Variants in ACBD6 observed in about 807,000 individuals in gnomAD.
ACBD6 encodes acyl-CoA-binding domain-containing protein 6.
A neutral mutation model predicts 37.2 loss-of-function variants in ACBD6; 28 were observed. The ratio of observed to expected loss-of-function variants is 0.75; its 90% confidence interval spans 0.56 to 1.03. The LOEUF is 1.03. Ranked by LOEUF, ACBD6 falls within the 50% of genes least tolerant of loss-of-function variation. The probability of loss-of-function intolerance (pLI) is 0.00; values close to 1 mark genes in which losing one functional copy is unlikely to be tolerated. For synonymous variants in ACBD6, 113 were observed against 126.8 expected, an observed-to-expected ratio of 0.89 and a Z score of 0.73; for missense variants, 340 against 337.4, an observed-to-expected ratio of 1.01 and a Z score of -0.06.
At chr1:180,395,227 G>A (rs1654214658) in intron 6 of ACBD6, among the ~76,000 whole-genome samples, 1 of 152,130 alleles carries the variant, frequency 6.6e-6, no homozygotes, top group Non-Finnish European at 1.5e-5. Context: ...GCGGGGAAGG[G>A]TGGACTGTTG....
intron 6 of ACBD6, among the ~76,000 whole-genome samples, chr1:180,389,401 T>C (rs1205741719): frequency 2.6e-5 from 4 of 152,228 alleles, no homozygotes; most frequent in African/African-American, 7.2e-5. Flanking sequence ...CAGTCTATCA[T>C]TGTTGGACAT....
chr1:180,330,467 C>CA (rs962647853), intron 6 of ACBD6, among the ~76,000 whole-genome samples: 8 of 151,450 alleles, frequency 5.3e-5, no homozygotes, highest in South Asian at 2.1e-4. Context: ...ACCAAAATCA[C>CA]AAAAAAAACC....
chr1:180,324,553 C>T (rs1186917888), intron 6 of ACBD6, among the ~76,000 whole-genome samples: 1 of 151,572 alleles, frequency 6.6e-6, no homozygotes, highest in Non-Finnish European at 1.5e-5. Context: ...GTCTTATTGT[C>T]CCATGTTTTG....
intron 6 of ACBD6, among the ~76,000 whole-genome samples, chr1:180,342,868 G>T (rs539301653): frequency 6.6e-6 from 1 of 152,084 alleles, no homozygotes; most frequent in South Asian, 2.1e-4. Flanking sequence ...TACTCATCTG[G>T]TTTACAACTT....
intron 3 of ACBD6, among the ~76,000 whole-genome samples, chr1:180,455,922 T>A (rs1649897561): frequency 6.6e-6 from 1 of 152,210 alleles, no homozygotes; most frequent in Non-Finnish European, 1.5e-5. Context: ...TTATCATCTT[T>A]TATTATTGTC....
intron 3 of ACBD6, among the ~76,000 whole-genome samples, chr1:180,444,550 T>A (rs1321539290): frequency 6.6e-6 from 1 of 152,196 alleles, no homozygotes; most frequent in Non-Finnish European, 1.5e-5. Context: ...ATGCCAAAGA[T>A]GCGTTAGTTT....
chr1:180,294,790 G>A lies in ACBD6; in HGVS notation c.695-6273C>T, dbSNP rs114521008. Among the ~76,000 whole-genome samples the A allele has an allele frequency of 4.5e-3, 679 of 152,038 alleles. 5 individuals carry two copies. The highest frequency in any genetic ancestry group is 0.016 in the African/African-American group (653 of 41,488). On this transcript the variant is annotated intron_variant, in intron 7 of 7. Transcript: ENST00000367595. ...ACTCACTGCATCCTGGAACTCCTGGGCATGAGTGATCCTCCTGCCTCAGCC... is the reference window on the plus strand; with the variant it reads ...ACTCACTGCATCCTGGAACTCCTGGACATGAGTGATCCTCCTGCCTCAGCC...
chr1:180,476,779 T>C (rs1204617677), intron 3 of ACBD6, among the ~76,000 whole-genome samples: 2 of 151,968 alleles, frequency 1.3e-5, no homozygotes, highest in African/African-American at 2.4e-5. Context: ...TGAGCTGAGA[T>C]CATGCCATTG....
At chr1:180,285,123 C>T (rs571858358), downstream of ACBD6, among the ~76,000 whole-genome samples, 2 of 152,082 alleles carry the variant, frequency 1.3e-5, no homozygotes, top group East Asian at 1.9e-4. Context: ...ATGACAAGAG[C>T]GAGACCCTGA....
chr1:180,434,843 G>T (rs1270160308), intron 3 of ACBD6: 2 of 742,786 alleles, frequency 2.7e-6, no homozygotes, highest in Non-Finnish European at 5.0e-6. Context: ...AAATCTGCCA[G>T]GGATGTCTTC....
intron 6 of ACBD6, among the ~76,000 whole-genome samples, chr1:180,392,026 A>G (rs2101943082): frequency 6.6e-6 from 1 of 152,298 alleles, no homozygotes; most frequent in East Asian, 1.9e-4. Flanking sequence ...TGTTATGTTG[A>G]ACATAATAAG....
intron 6 of ACBD6, among the ~76,000 whole-genome samples, chr1:180,361,821 G>A (rs1652864310): frequency 6.6e-6 from 1 of 152,098 alleles, no homozygotes; most frequent in Non-Finnish European, 1.5e-5. Flanking sequence ...ATAATAAAGA[G>A]GTGGTTTACA....
At chr1:180,409,424 GTGTTTTT>G (rs1378795186) in intron 5 of ACBD6, among the ~76,000 whole-genome samples, 2 of 152,164 alleles carry the variant, frequency 1.3e-5, no homozygotes, top group African/African-American at 2.4e-5. Context: ...TGCAAATACT[GTGTTTTT>G]TGTAAATTGA....
chr1:180,355,953 T>C (rs1238767054), intron 6 of ACBD6, among the ~76,000 whole-genome samples: 1 of 151,378 alleles, frequency 6.6e-6, no homozygotes, highest in Non-Finnish European at 1.5e-5. Context: ...CTACAACCTC[T>C]GCCTCCCGGG....
chr1:180,483,624 C>T (rs768061729), intron 3 of ACBD6, among the ~76,000 whole-genome samples: 4 of 151,938 alleles, frequency 2.6e-5, no homozygotes, highest in Non-Finnish European at 2.9e-5. Context: ...GAACAAAATG[C>T]CTCATTTTAT....
chr1:180,436,375 A>C (rs188052178), intron 3 of ACBD6, among the ~76,000 whole-genome samples: 234 of 152,276 alleles, frequency 1.5e-3, no homozygotes, highest in African/African-American at 5.3e-3. Flanking sequence ...GATTTTTTTT[A>C]GACATATCTT....
intron 6 of ACBD6, among the ~76,000 whole-genome samples, chr1:180,363,893 T>C (rs796421655): frequency 4.6e-5 from 7 of 152,276 alleles, no homozygotes; most frequent in South Asian, 2.1e-4. Context: ...TTGAACCACA[T>C]AGACAGCTCA....
At position 180,399,292 on chromosome 1, in the gene ACBD6, G is replaced by A. The variant is rs541792029; in HGVS notation, c.574-1687C>T. 7.2e-5 allele frequency among the ~76,000 whole-genome samples: 11 copies of A among 152,104 alleles called. No homozygotes were observed. The South Asian group carries it at 1.7e-3, about 23-fold the overall frequency. ...TTTATTTATTTATTTATTTTGAGAC[G>A]GAGTTTTGCTCTTTTGCTGAGGCTG... On this transcript the variant is annotated intron_variant, in intron 5 of 7. Transcript: ENST00000367595.
intron 3 of ACBD6, among the ~76,000 whole-genome samples, chr1:180,459,073 A>G (rs1031594654): frequency 2.6e-5 from 4 of 152,200 alleles, no homozygotes; most frequent in African/African-American, 9.6e-5. Flanking sequence ...AAAACACTAA[A>G]AATAATTCAT....
Sources: allele counts gnomAD v4.1 joint callset (sites outside exome capture counted in the v4.1 genomes callset), GRCh38; gene constraint gnomAD v4.1.1; transcripts MANE v1.5; gene names NCBI Gene and HGNC (gene_info 2026-07-23, HGNC 2026-07-21).